The following C10orf90 variants were observed in gnomAD, a reference collection of about 807,000 sequenced individuals.
C10orf90 encodes (E2-independent) E3 ubiquitin-conjugating enzyme FATS.
Under a neutral mutation model 62.5 loss-of-function variants are expected in C10orf90, and 56 were observed. That is an observed-to-expected ratio of 0.90 (90% CI 0.72 to 1.12). The LOEUF is 1.12. C10orf90 is among the 50% of genes most tolerant of loss of function. C10orf90 has a pLI of 0.00. For missense variants in C10orf90, 970 were observed against 880.4 expected (o/e 1.10, Z -1.29); for synonymous variants, 386 against 340.4 (o/e 1.13, Z -1.47).
Position 126,452,447 on chromosome 10 carries a change from G to C in C10orf90, c.2188+6593C>G, listed in dbSNP as rs541673532. Among the ~76,000 whole-genome samples the C allele has an allele frequency of 4.6e-5, 7 of 152,210 alleles. 1 individual carries two copies. The highest frequency in any genetic ancestry group is 1.7e-4 in the African/African-American group (7 of 41,538). ...ATTATTAATAAACTTTATGCTTGTT[G>C]CCAAGTAGATTTATATCTGTGGTGT... On this transcript the variant is annotated intron_variant, in intron 7 of 9. Coordinates refer to ENST00000488181, the MANE Select transcript of C10orf90 (RefSeq NM_001350921.2).
At chr10:126,606,579 G>A (rs1392431094) in intron 2 of C10orf90, among the ~76,000 whole-genome samples, 3 of 152,120 alleles carry the variant, frequency 2.0e-5, no homozygotes, top group Non-Finnish European at 4.4e-5. Flanking sequence ...AAAAGGTACA[G>A]GCATTCCATC....
intron 2 of C10orf90, among the ~76,000 whole-genome samples, chr10:126,626,927 C>G (rs1591155934): frequency 6.6e-6 from 1 of 152,044 alleles, no homozygotes; most frequent in East Asian, 1.9e-4. Context: ...TTGCTAAATT[C>G]AAAGAGGGCT....
chr10:126,626,294 A>G (rs1188853739), intron 2 of C10orf90, among the ~76,000 whole-genome samples: 4 of 152,104 alleles, frequency 2.6e-5, no homozygotes, highest in Non-Finnish European at 5.9e-5. Flanking sequence ...GCATCCTAGA[A>G]CAGACAGGGA....
chr10:126,445,805 G>GTATATATATA (rs71029302), intron 7 of C10orf90, among the ~76,000 whole-genome samples: 5,601 of 100,486 alleles, frequency 0.056, 146 homozygotes, highest in Non-Finnish European at 0.076. Context: ...AAACTGTGGT[G>GTATATATATA]TATATATATA....
chr10:126,499,732 T>C (rs908734431), intron 4 of C10orf90, among the ~76,000 whole-genome samples: 6 of 152,122 alleles, frequency 3.9e-5, no homozygotes, highest in Non-Finnish European at 7.4e-5. Flanking sequence ...CTCAGACCAA[T>C]GCCACCAAAG....
chr10:126,464,440 C>G (rs527337121), intron 5 of C10orf90, among the ~76,000 whole-genome samples: 1 of 152,280 alleles, frequency 6.6e-6, no homozygotes, highest in South Asian at 2.1e-4. Context: ...TGGGTGTGGT[C>G]TTCTCTCAGC....
Position 126,425,821 on chromosome 10 carries a change from T to C in C10orf90, c.*43A>G. ...TTAATGGCTTATCCAGCATTCGAAG[T>C]CCTCCCAGGTCCAGGTAGTGTGGTC... is the stretch of plus-strand genomic sequence containing the variant. On this transcript the variant is annotated 3_prime_UTR_variant, in exon 10 of 10. Transcript: ENST00000488181. 2 of 1,587,160 alleles carry C rather than the reference T, an allele frequency of 1.3e-6. No individual in the cohort carries two copies. Among genetic ancestry groups the C allele is most frequent in the Non-Finnish European group, 1.7e-6 (2 of 1,167,798 alleles).
chr10:126,476,056 C>G (rs1246032137), intron 4 of C10orf90, among the ~76,000 whole-genome samples: 1 of 152,112 alleles, frequency 6.6e-6, no homozygotes, highest in Admixed American at 6.5e-5. Flanking sequence ...CCCTCCAGCC[C>G]CGTCAGACCC....
In C10orf90 at chr10:126,560,698, G is replaced by A. The variant is rs190810696; in HGVS notation, c.314-46759C>T. On this transcript the variant is annotated intron_variant, in intron 2 of 9. Coordinates refer to ENST00000488181, the MANE Select transcript of C10orf90 (RefSeq NM_001350921.2). ...CAGCAAACGTCTTCTGAAAGGGCCA[G>A]AGAGTCAATATCATAGGCTTTGCAG... Among the ~76,000 whole-genome samples the A allele has an allele frequency of 1.2e-3, 180 of 152,314 alleles. 1 individual carries two copies. Among genetic ancestry groups the A allele is most frequent in the African/African-American group, 4.2e-3 (173 of 41,582 alleles).
At chr10:126,623,353 T>C (rs1845682691) in intron 2 of C10orf90, among the ~76,000 whole-genome samples, 1 of 152,172 alleles carries the variant, frequency 6.6e-6, no homozygotes, top group African/African-American at 2.4e-5. Flanking sequence ...CTTCTCCAAA[T>C]TTCGGCATAT....
intron 3 of C10orf90, among the ~76,000 whole-genome samples, chr10:126,511,755 A>G (rs924638214): frequency 6.6e-6 from 1 of 152,196 alleles, no homozygotes; most frequent in Admixed American, 6.5e-5. Context: ...TTATGTTAAA[A>G]TGCTGGGGAA....
chr10:126,492,314 T>C (rs1861809894), intron 4 of C10orf90, among the ~76,000 whole-genome samples: 1 of 152,056 alleles, frequency 6.6e-6, no homozygotes, highest in Non-Finnish European at 1.5e-5. Flanking sequence ...CATCCTTCAG[T>C]GAAAAGGACA....
intron 2 of C10orf90, among the ~76,000 whole-genome samples, chr10:126,605,868 A>AATACATGCATGC (rs1845298372): frequency 1.5e-5 from 2 of 137,610 alleles, no homozygotes; most frequent in Non-Finnish European, 3.1e-5. Flanking sequence ...AAAACCTAAA[A>AATACATGCATGC]ATACATACAT....
chr10:126,645,125 G>T (rs982164530), intron 2 of C10orf90, among the ~76,000 whole-genome samples: 1 of 151,600 alleles, frequency 6.6e-6, no homozygotes, highest in Non-Finnish European at 1.5e-5. Flanking sequence ...GTGGGAGGAG[G>T]GGGGAGGGAT....
At position 126,522,850 on chromosome 10, in the gene C10orf90, G is replaced by A. The variant is rs928505944; in HGVS notation, c.314-8911C>T. 5.9e-5 allele frequency: 9 copies of A among 152,172 alleles called. No homozygotes were observed. The East Asian group carries it at 1.5e-3, about 26-fold the overall frequency. 9.4% of individuals were successfully genotyped at this position (152,172 alleles called of 1,614,324 possible). A position where few individuals can be genotyped will look rare whatever the true frequency, so the allele number is the denominator to read the frequency against. ...CGCCTGGTCCAGGTTGACTCTTGGT[G>A]CCACCACATTTTAATGCTGTCTAGC... is the stretch of plus-strand genomic sequence containing the variant. On this transcript the variant is annotated intron_variant, in intron 2 of 9. Coordinates refer to ENST00000488181, the MANE Select transcript of C10orf90 (RefSeq NM_001350921.2).
At position 126,624,421 on chromosome 10, in the gene C10orf90, C is replaced by T. The variant is rs538724977; in HGVS notation, c.313+22144G>A. 1.1e-4 allele frequency among the ~76,000 whole-genome samples: 16 copies of T among 152,262 alleles called. No individual in the cohort carries two copies. The South Asian group carries it at 1.9e-3, about 18-fold the overall frequency. On this transcript the variant is annotated intron_variant, in intron 2 of 9. Coordinates refer to ENST00000488181, the MANE Select transcript of C10orf90 (RefSeq NM_001350921.2). ...AGAGGATGATGACGAGATAGTACAA[C>T]ATGGCCCTTTTTGTGTGTCACTTTG... is the stretch of plus-strand genomic sequence containing the variant.
chr10:126,668,492 A>T (rs569518034), intron 1 of C10orf90, among the ~76,000 whole-genome samples: 1 of 152,370 alleles, frequency 6.6e-6, no homozygotes, highest in East Asian at 1.9e-4. Flanking sequence ...TTCCTAATCT[A>T]AATAATGCTG....
intron 2 of C10orf90, among the ~76,000 whole-genome samples, chr10:126,571,179 T>C (rs1226809345): frequency 6.6e-6 from 1 of 152,260 alleles, no homozygotes; most frequent in Non-Finnish European, 1.5e-5. Context: ...ACCCAGCTCC[T>C]GACCCACGAG....
At chr10:126,507,071 C>T (rs2133895769) in intron 3 of C10orf90, among the ~76,000 whole-genome samples, 1 of 152,108 alleles carries the variant, frequency 6.6e-6, no homozygotes, top group African/African-American at 2.4e-5. Context: ...AAAAAGGATA[C>T]ATGGGGCTGG....
Sources: gnomAD v4.1 joint callset for allele counts (sites outside exome capture counted in the v4.1 genomes callset) on GRCh38, gnomAD v4.1.1 for gene constraint, MANE v1.5 for transcripts, NCBI Gene and HGNC (gene_info 2026-07-23, HGNC 2026-07-21) for gene names.